BTG4: variants seen among roughly 807,000 people sequenced by gnomAD.
BTG4 encodes the protein protein BTG4.
Under a neutral mutation model 19.3 loss-of-function variants are expected in BTG4, and 10 were observed. That is an observed-to-expected ratio of 0.52 (90% CI 0.32 to 0.88). BTG4 has a LOEUF of 0.88. BTG4 is among the 40% of genes least tolerant of loss of function. The pLI, the probability that BTG4 is intolerant of heterozygous loss-of-function variation, is 0.04. For missense variants in BTG4, 238 were observed against 281.9 expected (o/e 0.84, Z 1.11); for synonymous variants, 91 against 95.7 (o/e 0.95, Z 0.29).
chr11:111,413,085 C>A, the BTG4 span, among the ~76,000 whole-genome samples: 1 of 151,954 alleles, frequency 6.6e-6, no homozygotes, highest in Non-Finnish European at 1.5e-5. Context: ...ATTGAGGTGC[C>A]AAAAAGGCCA....
intron 4 of BTG4, 143 bp downstream of exon 4, chr11:111,497,068 G>C: frequency 1.3e-6 from 1 of 744,290 alleles, no homozygotes; most frequent in Non-Finnish European, 2.1e-6. Context: ...AAAAAGTTTT[G>C]CCAAAATATT....
At chr11:111,485,738 A>C (rs1865027657) in intron 5 of BTG4, among the ~76,000 whole-genome samples, 1 of 152,206 alleles carries the variant, frequency 6.6e-6, no homozygotes, top group African/African-American at 2.4e-5. Flanking sequence ...GAAGAAGTGA[A>C]AGATCAGAGC....
the BTG4 span, among the ~76,000 whole-genome samples, chr11:111,442,511 T>C: frequency 2.7e-4 from 13 of 48,158 alleles, no homozygotes; most frequent in South Asian, 1.1e-3. Flanking sequence ...AAAAAATGTA[T>C]ACACACACAC....
chr11:111,455,859 G>A, the BTG4 span: 382 of 455,508 alleles, frequency 8.4e-4, no homozygotes, highest in Non-Finnish European at 1.4e-3. Context: ...CCGGCACTGG[G>A]GCGGAGCTAC....
At chr11:111,487,950 A>G (rs1475856818) in intron 5 of BTG4, among the ~76,000 whole-genome samples, 1 of 152,158 alleles carries the variant, frequency 6.6e-6, no homozygotes, top group Non-Finnish European at 1.5e-5. Context: ...AATGAAAGAA[A>G]TTGAAGAGCA....
the BTG4 span, among the ~76,000 whole-genome samples, chr11:111,406,763 C>T: frequency 5.9e-5 from 9 of 152,174 alleles, no homozygotes; most frequent in Non-Finnish European, 1.2e-4. Context: ...CTCCTTTGTA[C>T]AGGCATTCCA....
At chr11:111,451,402 G>C in the BTG4 span, 1 of 453,794 alleles carries the variant, frequency 2.2e-6, no homozygotes, top group Non-Finnish European at 4.5e-6. Flanking sequence ...AACCGACATC[G>C]GAAGATGGTT....
the BTG4 span, among the ~76,000 whole-genome samples, chr11:111,430,608 C>T: frequency 5.9e-5 from 9 of 152,206 alleles, no homozygotes; most frequent in Non-Finnish European, 1.2e-4. Context: ...CCTGACCACA[C>T]GGACACCATT....
downstream of BTG4, among the ~76,000 whole-genome samples, chr11:111,464,837 T>C (rs1394057932): frequency 6.6e-6 from 1 of 152,120 alleles, no homozygotes; most frequent in African/African-American, 2.4e-5. Context: ...TTTTCCCATA[T>C]AAGGAATAAC....
At chr11:111,478,990 G>GAT (rs1327469552) in intron 5 of BTG4, among the ~76,000 whole-genome samples, 1 of 151,724 alleles carries the variant, frequency 6.6e-6, no homozygotes, top group Non-Finnish European at 1.5e-5. Flanking sequence ...TTTGGAAAGA[G>GAT]ATATAACCCC....
the BTG4 span, among the ~76,000 whole-genome samples, chr11:111,387,992 A>G: frequency 3.9e-5 from 6 of 152,064 alleles, no homozygotes; most frequent in South Asian, 8.3e-4. Context: ...CCACACAGTC[A>G]GTGGCCACCT....
the BTG4 span, among the ~76,000 whole-genome samples, chr11:111,433,420 C>T: frequency 2.0e-5 from 3 of 152,168 alleles, no homozygotes; most frequent in Non-Finnish European, 4.4e-5. Flanking sequence ...GGATTAAAGA[C>T]TTAAATGTAA....
At chr11:111,474,474 T>C (rs765175575) in intron 5 of BTG4, among the ~76,000 whole-genome samples, 1 of 152,186 alleles carries the variant, frequency 6.6e-6, no homozygotes, top group African/African-American at 2.4e-5. Context: ...TGCTCCACTT[T>C]CTGAGATTCA....
chr11:111,407,367 T>A, the BTG4 span, among the ~76,000 whole-genome samples: 2 of 152,060 alleles, frequency 1.3e-5, no homozygotes, highest in South Asian at 4.1e-4. Context: ...GAGAAAGATG[T>A]AGTTATAAAA....
At chr11:111,403,259 A>G in the BTG4 span, among the ~76,000 whole-genome samples, 1 of 152,222 alleles carries the variant, frequency 6.6e-6, no homozygotes, top group Non-Finnish European at 1.5e-5. Context: ...CTGCCTGTGA[A>G]GCCAAAAGTA....
chr11:111,490,083 C>T (rs1191499892), downstream of BTG4, among the ~76,000 whole-genome samples: 2 of 149,432 alleles, frequency 1.3e-5, no homozygotes, highest in Non-Finnish European at 3.0e-5. Flanking sequence ...ACCAGCCTGG[C>T]CAACATGGTG....
the BTG4 span, among the ~76,000 whole-genome samples, chr11:111,422,299 G>T: frequency 6.6e-6 from 1 of 152,198 alleles, no homozygotes; most frequent in African/African-American, 2.4e-5. Context: ...GAGGTCCCCA[G>T]TAAGGGCAGA....
the BTG4 span, chr11:111,397,749 A>G: frequency 6.6e-6 from 1 of 152,140 alleles, no homozygotes; most frequent in Non-Finnish European, 1.5e-5. Flanking sequence ...ATGTATCCCA[A>G]TACTAAGAAT....
the BTG4 span, chr11:111,450,604 C>T: frequency 6.6e-6 from 1 of 152,280 alleles, no homozygotes; most frequent in Non-Finnish European, 1.5e-5. Flanking sequence ...CTGAGAACTG[C>T]ATGCAAATTC....
Sources: allele counts gnomAD v4.1 joint callset (sites outside exome capture counted in the v4.1 genomes callset), GRCh38; gene constraint gnomAD v4.1.1; transcripts MANE v1.5; gene names NCBI Gene and HGNC (gene_info 2026-07-23, HGNC 2026-07-21).